The following KHDRBS1 variants were observed in gnomAD, a reference collection of about 807,000 sequenced individuals.
KHDRBS1 encodes KH domain-containing, RNA-binding, signal transduction-associated protein 1.
In KHDRBS1, 7 loss-of-function variants were observed where a neutral mutation model predicts 48.4. That is an observed-to-expected ratio of 0.14 (90% CI 0.08 to 0.27). The LOEUF (loss-of-function observed/expected upper bound fraction) is 0.27. KHDRBS1 is among the 10% of genes least tolerant of loss of function. The pLI is 1.00. For missense variants in KHDRBS1, 458 were observed against 601.2 expected (o/e 0.76, Z 2.49); for synonymous variants, 241 against 235.8 (o/e 1.02, Z -0.20).
chr1:32,014,898 C>T (rs965561454), intron 1 of KHDRBS1, among the ~76,000 whole-genome samples: 1 of 152,172 alleles, frequency 6.6e-6, no homozygotes, highest in African/African-American at 2.4e-5. Context: ...CCGAGCCGGA[C>T]TTAGCGGTAA....
intron 4 of KHDRBS1, 58 bp downstream of exon 4, chr1:32,033,392 T>C: frequency 6.3e-7 from 1 of 1,598,526 alleles, no homozygotes. Context: ...TCTTATACTG[T>C]TGTGAAGGTA....
chr1:32,035,316 T>G lies in KHDRBS1; in HGVS notation c.772-1594T>G, dbSNP rs1281529713. On this transcript the variant is annotated intron_variant, in intron 4 of 8. Transcript: ENST00000327300. ...TGAGCAATGGTCTGGCATTGGTTACTTGATTCTCCAAGGTGTGAGTCTCAA... is the reference window on the plus strand; with the variant it reads ...TGAGCAATGGTCTGGCATTGGTTACGTGATTCTCCAAGGTGTGAGTCTCAA... 2.0e-5 allele frequency among the ~76,000 whole-genome samples: 3 copies of G among 152,140 alleles called. No homozygotes were observed. The East Asian group carries it at 5.8e-4, about 29-fold the overall frequency.
Position 32,042,577 on chromosome 1 carries a change from A to G in KHDRBS1, c.1285A>G (p.Arg429Gly). Residue 429 changes from arginine to glycine, a missense_variant, in exon 9 of 9, where the codon AGG (arginine) becomes GGG (glycine). Arg to Gly is a moderately radical substitution (Grantham distance 125). Around this residue, in one of 3 missense-constraint regions of KHDRBS1, gnomAD observed 171 missense variants for 228.7 expected, o/e 0.75. Coordinates refer to ENST00000327300, the MANE Select transcript of KHDRBS1 (RefSeq NM_006559.3). ...TRPSLKAPPA[R>G]PVKGAYREHP... ...GCCGTCGCTGAAGGCCCCTCCTGCTAGGCCAGTGAAGGGAGCATACAGAGA... is the reference window on the plus strand; with the variant it reads ...GCCGTCGCTGAAGGCCCCTCCTGCTGGGCCAGTGAAGGGAGCATACAGAGA... 6.2e-7 allele frequency: 1 copy of G among 1,613,696 alleles called. No individual in the cohort carries two copies. The highest frequency in any genetic ancestry group is 8.5e-7 in the Non-Finnish European group (1 of 1,179,624).
At chr1:32,053,026 G>C (rs911047492) in intron 10 of KHDRBS1, among the ~76,000 whole-genome samples, 1 of 152,016 alleles carries the variant, frequency 6.6e-6, no homozygotes, top group African/African-American at 2.4e-5. Flanking sequence ...GGTGGTGCAC[G>C]CCTGTAGTCC....
chr1:32,042,879 T>C lies in KHDRBS1; in HGVS notation c.*255T>C, dbSNP rs1275638036. The C allele has an allele frequency of 7.3e-6, 2 of 273,088 alleles. No homozygotes were observed. Among genetic ancestry groups the C allele is most frequent in the African/African-American group, 2.2e-5 (1 of 45,604 alleles). The allele number at this position is 273,088 out of a possible 1,614,324, so 16.9% of individuals were successfully genotyped here. A position where few individuals can be genotyped will look rare whatever the true frequency, so the allele number is the denominator to read the frequency against. On this transcript the variant is annotated 3_prime_UTR_variant, in exon 9 of 9. Transcript: ENST00000327300. ...TTTAAGTGTGTAGATGCTTTTTTCT[T>C]TGTTGTTTAAATATAAACAGAAGTG... is the stretch of plus-strand genomic sequence containing the variant.
chr1:32,029,868 A>G (rs1639048247), intron 1 of KHDRBS1, among the ~76,000 whole-genome samples: 2 of 152,246 alleles, frequency 1.3e-5, no homozygotes, highest in Non-Finnish European at 1.5e-5. Context: ...TATCTAGAGT[A>G]CTAATGTCAC....
At chr1:32,025,015 C>G (rs1036482615) in intron 1 of KHDRBS1, among the ~76,000 whole-genome samples, 4 of 151,760 alleles carry the variant, frequency 2.6e-5, no homozygotes, top group African/African-American at 9.7e-5. Flanking sequence ...CGCCTATAAT[C>G]CCAGCACTTT....
intron 1 of KHDRBS1, among the ~76,000 whole-genome samples, chr1:32,022,906 C>G (rs1378615123): frequency 6.6e-6 from 1 of 151,658 alleles, no homozygotes; most frequent in African/African-American, 2.4e-5. Flanking sequence ...AAAAAAAGTT[C>G]AGTTAATGAT....
chr1:32,031,095 A>G (rs1639073526), intron 2 of KHDRBS1, among the ~76,000 whole-genome samples: 3 of 152,102 alleles, frequency 2.0e-5, no homozygotes. Context: ...CAAAAAATAC[A>G]AAAATTAGCC....
chr1:32,026,722 G>GA (rs1638978884), intron 1 of KHDRBS1, among the ~76,000 whole-genome samples: 1 of 152,162 alleles, frequency 6.6e-6, no homozygotes, highest in Non-Finnish European at 1.5e-5. Context: ...AAATACAGCT[G>GA]AAAGGTCTAA....
chr1:32,055,778 G>A (rs1277533234), intron 10 of KHDRBS1, among the ~76,000 whole-genome samples: 1 of 151,982 alleles, frequency 6.6e-6, no homozygotes, highest in African/African-American at 2.4e-5. Flanking sequence ...TGCTGCTCTC[G>A]GCTCCTAAGG....
In KHDRBS1 at chr1:32,038,055, G is replaced by A. The variant is rs200290328; in HGVS notation, c.1107+19G>A. The A allele has an allele frequency of 9.9e-5, 159 of 1,613,176 alleles. No homozygotes were observed. Among genetic ancestry groups the A allele is most frequent in the Middle Eastern group, 4.9e-4 (3 of 6,062 alleles). ...AGAATATGTAAGAAATTTGAACAAT[G>A]TGCCATTTCCCAGTACCTAGAAGGC... On this transcript the variant is annotated intron_variant, in intron 6 of 8. Coordinates refer to ENST00000327300, the MANE Select transcript of KHDRBS1 (RefSeq NM_006559.3).
chr1:32,060,628 A>G (rs1333360167), exon 11 of KHDRBS1: 1 of 152,206 alleles, frequency 6.6e-6, no homozygotes, highest in African/African-American at 2.4e-5. Context: ...AGGGAGGGTG[A>G]TCACTGCCCT....
At chr1:32,034,014 A>C (rs924185645) in intron 4 of KHDRBS1, among the ~76,000 whole-genome samples, 2 of 152,222 alleles carry the variant, frequency 1.3e-5, no homozygotes, top group African/African-American at 4.8e-5. Context: ...AGGAAATGGT[A>C]CTATTTTTGC....
chr1:32,050,624 T>C (rs539517528), intron 10 of KHDRBS1, among the ~76,000 whole-genome samples: 64 of 152,044 alleles, frequency 4.2e-4, no homozygotes, highest in African/African-American at 1.5e-3. Flanking sequence ...GCAGTTCTCA[T>C]GCTTCACCCT....
intron 10 of KHDRBS1, among the ~76,000 whole-genome samples, chr1:32,049,471 C>T (rs970263565): frequency 1.3e-5 from 2 of 149,954 alleles, no homozygotes; most frequent in Admixed American, 6.7e-5. Flanking sequence ...TATGCATATA[C>T]TACGTTTCAT....
chr1:32,020,444 G>T (rs752113356), intron 1 of KHDRBS1, among the ~76,000 whole-genome samples: 1 of 151,776 alleles, frequency 6.6e-6, no homozygotes, highest in African/African-American at 2.4e-5. Context: ...CGTGCTTACC[G>T]TATCGTTCAA....
rs1639312732 is a variant in KHDRBS1, at chr1:32,043,156, G to A, written c.*532G>A. 6.6e-6 allele frequency: 1 copy of A among 152,530 alleles called. No homozygotes were observed. The highest frequency in any genetic ancestry group is 1.5e-5 in the Non-Finnish European group (1 of 68,046). 9.4% of individuals were successfully genotyped at this position (152,530 alleles called of 1,614,324 possible). A position where few individuals can be genotyped will look rare whatever the true frequency, so the allele number is the denominator to read the frequency against. ...AGTAGGCACCACCATGTAAAAGTGA[G>A]CTCAGACGTCTCTAAAAAATGTTTC... On this transcript the variant is annotated 3_prime_UTR_variant, in exon 9 of 9. Transcript: ENST00000327300.
intron 7 of KHDRBS1, among the ~76,000 whole-genome samples, chr1:32,039,139 T>C (rs914303913): frequency 6.6e-6 from 1 of 152,220 alleles, no homozygotes; most frequent in Non-Finnish European, 1.5e-5. Flanking sequence ...TGTGTGTCCA[T>C]ATATATAGCT....
Sources: gnomAD v4.1 joint callset for allele counts (sites outside exome capture counted in the v4.1 genomes callset) on GRCh38, gnomAD v4.1.1 for gene constraint, gnomAD v4.1.1 regional missense constraint, MANE v1.5 for transcripts, NCBI Gene and HGNC (gene_info 2026-07-23, HGNC 2026-07-21) for gene names.